COL15A1: variants seen among roughly 807,000 people sequenced by gnomAD.
The protein encoded by COL15A1 is collagen type XV alpha 1 chain, also known as collagen alpha-1(XV) chain.
Under a neutral mutation model 165.9 loss-of-function variants are expected in COL15A1, and 111 were observed. That is an observed-to-expected ratio of 0.67 (90% confidence interval 0.57 to 0.78). COL15A1 has a LOEUF of 0.78. Among genes scored for constraint, COL15A1 ranks in the 30% least tolerant of loss-of-function variants. COL15A1 has a pLI of 0.00. For synonymous variants in COL15A1, 659 were observed against 674.8 expected (o/e 0.98, Z 0.36); for missense variants, 1,745 against 1,789.7 (o/e 0.98, Z 0.45).
intron 2 of COL15A1, among the ~76,000 whole-genome samples, chr9:98,945,953 C>T (rs1588485404): frequency 6.6e-6 from 1 of 152,160 alleles, no homozygotes; most frequent in Non-Finnish European, 1.5e-5. Context: ...GCCCTATTCC[C>T]ATTTATAATG....
intron 23 of COL15A1, 83 bp downstream of exon 23, chr9:99,040,639 C>T: frequency 6.2e-7 from 1 of 1,611,038 alleles, no homozygotes; most frequent in Non-Finnish European, 8.5e-7. Context: ...GCATTTCCTC[C>T]ATCTATGCAT....
chr9:98,986,195 T>C (rs1340711642), intron 3 of COL15A1, 83 bp downstream of exon 3: 3 of 1,070,156 alleles, frequency 2.8e-6, no homozygotes, highest in Non-Finnish European at 4.1e-6. Flanking sequence ...CTATTATTGT[T>C]ATTATTTTAT....
chr9:99,038,571 C>A, intron 21 of COL15A1, 97 bp from the exon 22 acceptor site: 1 of 777,008 alleles, frequency 1.3e-6, no homozygotes. Flanking sequence ...TGCGGTGTTC[C>A]GCTATGCTGG....
At chr9:99,030,374 C>T (rs567375086) in intron 16 of COL15A1, among the ~76,000 whole-genome samples, 1 of 152,348 alleles carries the variant, frequency 6.6e-6, no homozygotes, top group South Asian at 2.1e-4. Context: ...TCCAACATCA[C>T]CATTTTGGGA....
At chr9:99,038,918 G>T (rs530685957) in intron 22 of COL15A1, among the ~76,000 whole-genome samples, 185 bp downstream of exon 22, 1 of 152,354 alleles carries the variant, frequency 6.6e-6, no homozygotes, top group Admixed American at 6.5e-5. Context: ...CATGTGGAAA[G>T]TTGTCTCCAA....
Position 99,044,587 on chromosome 9 carries a change from G to T in COL15A1, c.2594G>T (p.Gly865Val). Reference protein sequence around the residue: ...KGEQGEKGEPGAILTEDIPLE... With the variant: ...KGEQGEKGEPVAILTEDIPLE... ...TTGCAGGGCGAGAAGGGAGAGCCGGGTGCCATCCTGACAGAGGACATTCCT... is the reference window on the plus strand; with the variant it reads ...TTGCAGGGCGAGAAGGGAGAGCCGGTTGCCATCCTGACAGAGGACATTCCT... Residue 865 changes from glycine to valine, a missense_variant, in exon 25 of 42, where the codon GGT becomes GTT. By Grantham distance (109) the Gly-to-Val change is moderately radical (BLOSUM62 -3). Coordinates refer to ENST00000375001, the MANE Select transcript of COL15A1 (RefSeq NM_001855.5). The T allele has an allele frequency of 1.2e-6, 2 of 1,614,134 alleles. No homozygotes were observed. Among genetic ancestry groups the T allele is most frequent in the Non-Finnish European group, 1.7e-6 (2 of 1,180,036 alleles).
intron 2 of COL15A1, among the ~76,000 whole-genome samples, chr9:98,952,796 G>T (rs1471331259): frequency 6.6e-6 from 1 of 152,126 alleles, no homozygotes; most frequent in Non-Finnish European, 1.5e-5. Flanking sequence ...GCCCATCATT[G>T]TTGTGTGATA....
At position 98,985,730 on chromosome 9, in the gene COL15A1, G is replaced by T; in HGVS notation, c.266G>T (p.Arg89Met). The change falls in exon 3 of 42, where the codon AGG becomes ATG. Residue 89 changes from arginine to methionine, a missense_variant. By Grantham distance (91) the Arg-to-Met change is moderately conservative. Transcript: ENST00000375001. ...ARTLIPSTFF[R>M]DFAISVVVKP... Reference sequence around the variant, plus strand: ...ACTCTCATCCCATCCACCTTCTTCAGGGACTTCGCCATCAGCGTCGTGGTG... The same window carrying T: ...ACTCTCATCCCATCCACCTTCTTCATGGACTTCGCCATCAGCGTCGTGGTG... The T allele has an allele frequency of 6.2e-7, 1 of 1,614,214 alleles. No individual in the cohort carries two copies. Among genetic ancestry groups the T allele is most frequent in the Non-Finnish European group, 8.5e-7 (1 of 1,180,054 alleles).
intron 2 of COL15A1, among the ~76,000 whole-genome samples, chr9:98,954,826 A>G (rs1837749455): frequency 6.6e-6 from 1 of 152,208 alleles, no homozygotes; most frequent in African/African-American, 2.4e-5. Flanking sequence ...CTAACCCAAA[A>G]GGAGCAAATG....
Position 98,989,267 on chromosome 9 carries a change from T to G in COL15A1, c.804+9T>G. 2.5e-6 allele frequency: 4 copies of G among 1,604,426 alleles called. No homozygotes were observed. The highest frequency in any genetic ancestry group is 3.4e-6 in the Non-Finnish European group (4 of 1,171,850). On this transcript the variant is annotated intron_variant, in intron 5 of 41. Coordinates refer to ENST00000375001, the MANE Select transcript of COL15A1 (RefSeq NM_001855.5). ...CCTACACTCAAGCCTCGGTGAGTAC[T>G]GGGATGCTGTGCCATGTGATCTTGC...
chr9:99,024,285 G>GTTTTTTTTTTTTTTTTTTT (rs1016769818), intron 14 of COL15A1, among the ~76,000 whole-genome samples: 9 of 129,474 alleles, frequency 7.0e-5, no homozygotes, highest in Non-Finnish European at 1.1e-4. Context: ...TTGTTTTTTT[G>GTTTTTTTTTTTTTTTTTTT]TTTTTTTTTT....
chr9:98,943,989 C>T lies in COL15A1; in HGVS notation c.-73C>T, dbSNP rs976114437. ...GCGCGGCGGCCAGCGCTCAGCGACC[C>T]TTCGTCCTCCGCTAAGCTCCAACGC... is the stretch of plus-strand genomic sequence containing the variant. On this transcript the variant is annotated 5_prime_UTR_variant, in exon 1 of 42. Coordinates refer to ENST00000375001, the MANE Select transcript of COL15A1 (RefSeq NM_001855.5). The T allele has an allele frequency of 1.3e-6, 2 of 1,597,034 alleles. No homozygotes were observed. The highest frequency in any genetic ancestry group is 2.3e-5 in the East Asian group (1 of 44,398).
At chr9:99,055,439 G>A (rs1825708534) in intron 34 of COL15A1, 67 bp downstream of exon 34, 1 of 949,980 alleles carries the variant, frequency 1.1e-6, no homozygotes, top group African/African-American at 1.6e-5. Flanking sequence ...CCCCCAATGG[G>A]ACTAGGCAGT....
intron 7 of COL15A1, 94 bp downstream of exon 7, chr9:99,001,045 C>T (rs1838643947): frequency 1.4e-6 from 1 of 721,414 alleles, no homozygotes; most frequent in Non-Finnish European, 2.5e-6. Context: ...CCAGAGAGAA[C>T]CACAAGGGTT....
chr9:99,068,337 T>C (rs1825929438), intron 40 of COL15A1, among the ~76,000 whole-genome samples: 2 of 151,998 alleles, frequency 1.3e-5, no homozygotes, highest in South Asian at 4.2e-4. Context: ...TGGTGGTGCA[T>C]GCCTGTAATC....
chr9:99,018,286 C>T (rs758954554), intron 11 of COL15A1, among the ~76,000 whole-genome samples: 9 of 152,246 alleles, frequency 5.9e-5, no homozygotes, highest in Non-Finnish European at 8.8e-5. Context: ...AATTGTCTCC[C>T]GCCTTCTTTT....
chr9:98,980,155 T>G (rs1273767558), intron 2 of COL15A1, among the ~76,000 whole-genome samples: 1 of 121,674 alleles, frequency 8.2e-6, no homozygotes, highest in African/African-American at 3.8e-5. Context: ...GCAAGACTCT[T>G]GTCTCAAAAA....
At chr9:99,016,211 T>A (rs1838932980) in intron 11 of COL15A1, 92 bp downstream of exon 11, 1 of 1,446,126 alleles carries the variant, frequency 6.9e-7, no homozygotes, top group Non-Finnish European at 9.1e-7. Flanking sequence ...GGCCCCCAGC[T>A]TTCTCAGAGG....
At chr9:98,986,266 C>T in intron 3 of COL15A1, 154 bp downstream of exon 3, 1 of 646,374 alleles carries the variant, frequency 1.5e-6, no homozygotes, top group South Asian at 2.1e-5. Flanking sequence ...CCTGGAACCC[C>T]AAAACCTAGA....
Sources: allele counts gnomAD v4.1 joint callset (sites outside exome capture counted in the v4.1 genomes callset), GRCh38; gene constraint gnomAD v4.1.1; transcripts MANE v1.5; gene names NCBI Gene and HGNC (gene_info 2026-07-23, HGNC 2026-07-21).